The following ABCC1 variants were observed in gnomAD, a reference collection of about 807,000 sequenced individuals.
ABCC1 encodes multidrug resistance-associated protein 1.
In ABCC1, 83 loss-of-function variants were observed where a neutral mutation model predicts 172.9. The ratio of observed to expected loss-of-function variants is 0.48; its 90% CI spans 0.40 to 0.58. The LOEUF (loss-of-function observed/expected upper bound fraction) is 0.58, where lower values mean the gene tolerates loss of function less well. Ranked by LOEUF, ABCC1 falls within the 20% of genes least tolerant of loss-of-function variation. The probability of loss-of-function intolerance (pLI) is 0.00; values close to 1 mark genes in which losing one functional copy is unlikely to be tolerated. For synonymous variants in ABCC1, 937 were observed against 825.2 expected (o/e 1.14, Z -2.32); for missense variants, 1,817 against 2,002.7 (o/e 0.91, Z 1.77).
chr16:16,018,456 G>A (rs2048081832), intron 5 of ABCC1, among the ~76,000 whole-genome samples: 1 of 152,134 alleles, frequency 6.6e-6, no homozygotes, highest in Non-Finnish European at 1.5e-5. Flanking sequence ...GGCTGAGGCA[G>A]GAGAATCTCT....
At chr16:16,092,874 G>A (rs561405194) in intron 19 of ABCC1, among the ~76,000 whole-genome samples, 2 of 152,228 alleles carry the variant, frequency 1.3e-5, no homozygotes, top group East Asian at 1.9e-4. Context: ...CTGTAGTCCC[G>A]GCTATTCGGG....
At chr16:16,130,180 G>C (rs755076969) in intron 26 of ABCC1, among the ~76,000 whole-genome samples, 15 of 152,350 alleles carry the variant, frequency 9.8e-5, no homozygotes, top group Admixed American at 2.0e-4. Context: ...CCCACATGGG[G>C]TTGCTGTGAG....
rs45604532 is a variant in ABCC1 at position 16,122,322 on chromosome 16, G to C, written c.3590+148G>C. 3 of 824,686 alleles carry C rather than the reference G, an allele frequency of 3.6e-6. No homozygotes were observed. The African/African-American group carries it at 5.2e-5, about 14-fold the overall frequency. 51.1% of individuals were successfully genotyped at this position (824,686 alleles called of 1,614,324 possible). On this transcript the variant is annotated intron_variant, in intron 24 of 30. Coordinates refer to ENST00000399410, the MANE Select transcript of ABCC1 (RefSeq NM_004996.4). ...GATGGAGAGGCTTGATGAGCGCGGA[G>C]GACAGATGAATCATTAAGAGCAGAC...
intron 1 of ABCC1, among the ~76,000 whole-genome samples, chr16:15,975,881 T>TA (rs969818725): frequency 6.6e-6 from 1 of 152,152 alleles, no homozygotes; most frequent in Admixed American, 6.5e-5. Flanking sequence ...AATGAGTGTT[T>TA]AATAAGCATG....
At chr16:16,087,029 C>G (rs1474975440) in intron 18 of ABCC1, 38 bp downstream of exon 18, 2 of 1,611,386 alleles carry the variant, frequency 1.2e-6, no homozygotes, top group Non-Finnish European at 1.7e-6. Context: ...GTTGGGCCGT[C>G]TCGCCCTTTG....
chr16:15,952,541 TG>T (rs1476169055), intron 1 of ABCC1, among the ~76,000 whole-genome samples: 7 of 151,830 alleles, frequency 4.6e-5, no homozygotes, highest in African/African-American at 1.7e-4. Flanking sequence ...ACAGATGCTC[TG>T]GGAAGAGAAA....
chr16:15,994,255 G>A (rs2046974391), intron 1 of ABCC1, among the ~76,000 whole-genome samples: 1 of 152,046 alleles, frequency 6.6e-6, no homozygotes, highest in Admixed American at 6.6e-5. Flanking sequence ...AAACCAAAAG[G>A]CCTTAGAGTT....
At chr16:16,013,299 C>T (rs564735003) in intron 3 of ABCC1, among the ~76,000 whole-genome samples, 1 of 149,338 alleles carries the variant, frequency 6.7e-6, no homozygotes, top group Non-Finnish European at 1.5e-5. Context: ...GAGATAGCGT[C>T]TCACTCTGTC....
Position 16,086,964 on chromosome 16 carries a change from T to A in ABCC1, c.2433T>A (p.Ile811=). 6.2e-7 allele frequency: 1 copy of A among 1,614,202 alleles called. No homozygotes were observed. The highest frequency in any genetic ancestry group is 8.5e-7 in the Non-Finnish European group (1 of 1,180,046). The part of the protein sequence containing the change: ...HVGKHIFENV[I]GPKGMLKNKT... ...GAAAACACATCTTTGAAAATGTGAT[T>A]GGCCCCAAGGGGATGCTGAAGAACA... Residue 811 remains isoleucine, a synonymous_variant, in exon 18 of 31, where the codon ATT becomes ATA. Transcript: ENST00000399410.
chr16:16,037,346 C>T (rs552587489), intron 7 of ABCC1, among the ~76,000 whole-genome samples: 1 of 152,140 alleles, frequency 6.6e-6, no homozygotes, highest in Non-Finnish European at 1.5e-5. Context: ...GGCTCTACCC[C>T]CTATGTAAGG....
intron 26 of ABCC1, among the ~76,000 whole-genome samples, chr16:16,130,837 TC>T (rs2045646512): frequency 6.6e-6 from 1 of 152,212 alleles, no homozygotes; most frequent in Admixed American, 6.5e-5. Flanking sequence ...GAGAACAATG[TC>T]TGTGGCGGGC....
intron 11 of ABCC1, among the ~76,000 whole-genome samples, chr16:16,054,234 C>T (rs2049556046): frequency 2.0e-5 from 3 of 152,132 alleles, no homozygotes; most frequent in Non-Finnish European, 4.4e-5. Flanking sequence ...CTCGGCCTCC[C>T]AAATTGCTGG....
At position 16,090,499 on chromosome 16, in the gene ABCC1, A is replaced by T; in HGVS notation, c.2555A>T (p.Tyr852Phe). The change falls in exon 19 of 31, where the codon TAC (tyrosine) becomes TTC (phenylalanine). Residue 852 changes from tyrosine (Y) to phenylalanine (F), a missense_variant. Transcript: ENST00000399410. ...GGCAAGATCTCTGAGATGGGCTCCTACCAGGAGCTGCTGGCTCGAGACGGC... is the reference window on the plus strand; with the variant it reads ...GGCAAGATCTCTGAGATGGGCTCCTTCCAGGAGCTGCTGGCTCGAGACGGC... ...SGGKISEMGS[Y>F]QELLARDGAF... is the part of the protein sequence containing the mutation. 3 of 1,613,898 alleles carry T rather than the reference A, an allele frequency of 1.9e-6. No homozygotes were observed. The highest frequency in any genetic ancestry group is 2.5e-6 in the Non-Finnish European group (3 of 1,179,970).
chr16:16,125,810 G>A lies in ABCC1; in HGVS notation c.3718G>A (p.Val1240Ile). 1 of 1,612,148 alleles carries A rather than the reference G, an allele frequency of 6.2e-7. No homozygotes were observed. The highest frequency in any genetic ancestry group is 8.5e-7 in the Non-Finnish European group (1 of 1,178,796). The change falls in exon 26 of 31, where the codon GTC becomes ATC. Residue 1240 changes from valine (V) to isoleucine (I), a missense_variant and splice_region_variant. By Grantham distance (29) the Val-to-Ile change is conservative. Coordinates refer to ENST00000399410, the MANE Select transcript of ABCC1 (RefSeq NM_004996.4). ...VGLSVSYSLQ[V>I]TTYLNWLVRM... ...TGCCACGTGACTCTTCCACTCACAG[G>A]TCACCACGTACTTGAACTGGCTGGT...
At chr16:16,024,512 C>T (rs751054133) in intron 5 of ABCC1, among the ~76,000 whole-genome samples, 1 of 152,108 alleles carries the variant, frequency 6.6e-6, no homozygotes, top group Non-Finnish European at 1.5e-5. Flanking sequence ...CCACCACGCC[C>T]AAGTAACTTT....
At chr16:15,998,748 C>T (rs1166495289) in intron 1 of ABCC1, among the ~76,000 whole-genome samples, 1 of 152,112 alleles carries the variant, frequency 6.6e-6, no homozygotes, top group African/African-American at 2.4e-5. Context: ...TTCCGGTGTC[C>T]TTAAATGCTC....
intron 16 of ABCC1, among the ~76,000 whole-genome samples, chr16:16,081,542 T>C (rs1266827238): frequency 6.6e-6 from 1 of 152,160 alleles, no homozygotes; most frequent in African/African-American, 2.4e-5. Context: ...TTTTAGTTGG[T>C]GTGGTTTGTG....
rs761167278 is a variant in ABCC1 at position 16,090,507 on chromosome 16, C to T, written c.2563C>T (p.Leu855=). 3 of 1,613,934 alleles carry T rather than the reference C, an allele frequency of 1.9e-6. No individual in the cohort carries two copies. The highest frequency in any genetic ancestry group is 2.2e-5 in the East Asian group (1 of 44,874). ...CTCTGAGATGGGCTCCTACCAGGAG[C>T]TGCTGGCTCGAGACGGCGCCTTCGC... ...KISEMGSYQE[L]LARDGAFAEF... Residue 855 remains leucine (L), a synonymous_variant, in exon 19 of 31, where the codon CTG becomes TTG. Coordinates refer to ENST00000399410, the MANE Select transcript of ABCC1 (RefSeq NM_004996.4).
chr16:16,114,849 A>G lies in ABCC1; in HGVS notation c.3163A>G (p.Ser1055Gly). ...CTGTCTGCACGTGGACCTGCTGCAC[A>G]GCATCCTGCGGTCACCCATGAGCTT... Reference protein sequence around the residue: ...SRCLHVDLLHSILRSPMSFFE... With the variant: ...SRCLHVDLLHGILRSPMSFFE... The change falls in exon 23 of 31, where the codon AGC becomes GGC. Residue 1055 changes from serine (S) to glycine (G), a missense_variant. Around this residue, in one of 3 missense-constraint regions of ABCC1, gnomAD observed 1,412 missense variants for 1,600.3 expected, o/e 0.88. Transcript: ENST00000399410. 1 of 1,614,006 alleles carries G rather than the reference A, an allele frequency of 6.2e-7. No individual in the cohort carries two copies. Among genetic ancestry groups the G allele is most frequent in the South Asian group, 1.1e-5 (1 of 91,030 alleles).
Sources: allele counts gnomAD v4.1 joint callset (sites outside exome capture counted in the v4.1 genomes callset), GRCh38; gene constraint gnomAD v4.1.1; regional missense constraint gnomAD v4.1.1; transcripts MANE v1.5; gene names NCBI Gene and HGNC (gene_info 2026-07-23, HGNC 2026-07-21).